ZNF726: variants seen among roughly 807,000 people sequenced by gnomAD.
ZNF726 encodes zinc finger protein 726, also known as zinc finger protein 92 pseudogene 3.
In ZNF726, 15 loss-of-function variants were observed where a neutral mutation model predicts 11.6. That is an observed-to-expected ratio of 1.29 (90% CI 0.86 to 1.99). The LOEUF (loss-of-function observed/expected upper bound fraction) is 1.99, where lower values mean the gene tolerates loss of function less well. ZNF726 is among the 30% of genes most tolerant of loss of function. ZNF726 has a pLI of 0.00. For synonymous variants in ZNF726, 295 were observed against 243.6 expected, an observed-to-expected ratio of 1.21 and a Z score of -1.96; for missense variants, 890 against 725.6, an observed-to-expected ratio of 1.23 and a Z score of -2.60.
chr19:23,933,144 G>T lies in ZNF726; in HGVS notation c.1028G>T (p.Cys343Phe). 2 of 1,600,694 alleles carry T rather than the reference G, an allele frequency of 1.2e-6. No homozygotes were observed. Among genetic ancestry groups the T allele is most frequent in the Non-Finnish European group, 1.7e-6 (2 of 1,173,446 alleles). The change falls in exon 4 of 4, where the codon TGT (cysteine) becomes TTT (phenylalanine). Residue 343 changes from cysteine (C) to phenylalanine (F), a missense_variant. Physicochemically the swap from Cys to Phe is radical, Grantham distance 205 (BLOSUM62 -2). Transcript: ENST00000594466. ...CACAGTGGAGAGAAACCCTACAAAT[G>T]TGAAGAATGTGCCAAAGCTTTTAGC... is the stretch of plus-strand genomic sequence containing the variant. The part of the protein sequence containing the change: ...RLHSGEKPYK[C>F]EECAKAFSQF...
chr19:23,915,111 C>T lies in ZNF726; in HGVS notation c.3+114C>T, dbSNP rs571242914. ...CGCTGTCAGTTTTACAATCTGCGCC[C>T]GAGTTGTTGCCCAGCTCGGCCTCAG... On this transcript the variant is annotated intron_variant, in intron 1 of 3. Coordinates refer to ENST00000594466, the MANE Select transcript of ZNF726 (RefSeq NM_001244038.2). 1.3e-5 allele frequency: 20 copies of T among 1,509,690 alleles called. No individual in the cohort carries two copies. In the Admixed American group the frequency reaches 2.1e-4, roughly 15 times the overall value. 93.5% of individuals were successfully genotyped at this position (1,509,690 alleles called of 1,614,324 possible). A position where few individuals can be genotyped will look rare whatever the true frequency, so the allele number is the denominator to read the frequency against.
At chr19:23,943,885 G>T in intron 4 of ZNF726, 1 of 212,178 alleles carries the variant, frequency 4.7e-6, no homozygotes, top group African/African-American at 2.3e-5. Flanking sequence ...TGCTTCGGGG[G>T]AATATAAAAA....
rs1218903774 is a variant in ZNF726, at chr19:23,933,781, T to C, written c.1665T>C (p.His555=). The change falls in exon 4 of 4, where the codon CAT becomes CAC. Residue 555 remains histidine, a synonymous_variant. Coordinates refer to ENST00000594466, the MANE Select transcript of ZNF726 (RefSeq NM_001244038.2). ...TFNQSSNLST[H]KIIHTGEKPY... ...ATCAATCCTCAAATCTTAGTACACA[T>C]AAGATAATTCATACTGGAGAGAAAC... The C allele has an allele frequency of 1.2e-6, 2 of 1,608,088 alleles. No individual in the cohort carries two copies. Among genetic ancestry groups the C allele is most frequent in the Non-Finnish European group, 1.7e-6 (2 of 1,178,374 alleles).
chr19:23,930,194 AT>A (rs1436656877), intron 3 of ZNF726, among the ~76,000 whole-genome samples: 1 of 152,182 alleles, frequency 6.6e-6, no homozygotes, highest in Non-Finnish European at 1.5e-5. Context: ...AGAGAAATAC[AT>A]TTAAATCAAA....
chr19:23,917,506 AATC>A (rs951161799), intron 1 of ZNF726, among the ~76,000 whole-genome samples: 5 of 148,056 alleles, frequency 3.4e-5, no homozygotes, highest in African/African-American at 1.3e-4. Context: ...AAAAAAAAAA[AATC>A]TCTGTTCAAT....
At chr19:23,938,907 T>C (rs1377643947), downstream of ZNF726, among the ~76,000 whole-genome samples, 1 of 152,132 alleles carries the variant, frequency 6.6e-6, no homozygotes, top group African/African-American at 2.4e-5. Flanking sequence ...GTGCCTGGCC[T>C]GTGTGTAATA....
At chr19:23,936,749 A>T (rs1050395923), downstream of ZNF726, among the ~76,000 whole-genome samples, 8 of 150,218 alleles carry the variant, frequency 5.3e-5, no homozygotes, top group African/African-American at 1.5e-4. Context: ...TTTTTATTTT[A>T]ATTTATTTTT....
At chr19:23,919,962 A>G in intron 2 of ZNF726, 25 bp from the exon 3 acceptor site, 1 of 1,500,342 alleles carries the variant, frequency 6.7e-7, no homozygotes, top group Non-Finnish European at 9.1e-7. Flanking sequence ...AGCAAGATTC[A>G]TGTTAATTAT....
At chr19:23,936,734 TTTTATTTTTATTTTAA>T (rs2144997504), downstream of ZNF726, among the ~76,000 whole-genome samples, 1 of 151,670 alleles carries the variant, frequency 6.6e-6, no homozygotes, top group East Asian at 1.9e-4. Flanking sequence ...GCAGTTTGAT[TTTTATTTTTATTTTAA>T]TTTATTTTTT....
At chr19:23,938,623 T>C (rs76937046), downstream of ZNF726, among the ~76,000 whole-genome samples, 7 of 150,752 alleles carry the variant, frequency 4.6e-5, no homozygotes, top group Non-Finnish European at 1.5e-5. Flanking sequence ...TTTTTTTTTT[T>C]TTGAGCTGGA....
rs1473173272 is a variant in ZNF726 at position 23,932,814 on chromosome 19, A to T, written c.698A>T (p.Glu233Val). 5 of 1,609,516 alleles carry T rather than the reference A, an allele frequency of 3.1e-6. No individual in the cohort carries two copies. In the East Asian group the frequency reaches 1.1e-4, roughly 36 times the overall value. ...HTEEKPYKCE[E>V]YGKAFNQSSN... ...GAAGAAAAGCCCTACAAATGTGAAG[A>T]ATATGGCAAAGCTTTTAATCAATCC... Residue 233 changes from glutamate (E) to valine (V), a missense_variant, in exon 4 of 4, where the codon GAA becomes GTA. Transcript: ENST00000594466.
rs1020276541 is a variant in ZNF726 at position 23,925,923 on chromosome 19, G to A, written c.226+5841G>A. On this transcript the variant is annotated intron_variant, in intron 3 of 3. Transcript: ENST00000594466. ...GTAGAGACAGAGTTTCACCATGTTG[G>A]TCAGGATGGTCTGGAACACCTGTCC... Among the ~76,000 whole-genome samples the A allele has an allele frequency of 9.9e-5, 15 of 151,724 alleles. No individual in the cohort carries two copies. The South Asian group carries it at 2.3e-3, about 23-fold the overall frequency.
chr19:23,937,389 G>A (rs1408038743), downstream of ZNF726, among the ~76,000 whole-genome samples: 39 of 152,004 alleles, frequency 2.6e-4, no homozygotes, highest in African/African-American at 7.7e-4. Flanking sequence ...CTTCTCAGAC[G>A]GGGTGGCTGC....
chr19:23,941,716 A>G (rs1193197264), intron 3 of ZNF726, among the ~76,000 whole-genome samples: 1 of 152,052 alleles, frequency 6.6e-6, no homozygotes, highest in Non-Finnish European at 1.5e-5. Flanking sequence ...GTATTTTTCC[A>G]GGAATTTATC....
downstream of ZNF726, among the ~76,000 whole-genome samples, chr19:23,938,590 T>C (rs1377084283): frequency 2.0e-5 from 3 of 149,322 alleles, no homozygotes; most frequent in Admixed American, 6.7e-5. Context: ...CGTTTAATAG[T>C]TTTTTTTTCT....
chr19:23,935,164 G>T (rs543718940), downstream of ZNF726: 270 of 394,464 alleles, frequency 6.8e-4, 5 homozygotes, highest in South Asian at 3.3e-3. Flanking sequence ...ATCCCCACAT[G>T]TTGTGGGGAG....
intron 3 of ZNF726, chr19:23,929,431 TCA>T (rs1968057532): frequency 1.2e-5 from 2 of 169,030 alleles, no homozygotes; most frequent in Non-Finnish European, 2.4e-5. Context: ...AAGGCATGTC[TCA>T]CATGGTGGCA....
At chr19:23,924,042 G>T in intron 3 of ZNF726, 1 of 142,902 alleles carries the variant, frequency 7.0e-6, no homozygotes, top group Non-Finnish European at 1.5e-5. Flanking sequence ...TTCTTTCTTA[G>T]CTCTTTTTTT....
chr19:23,942,338 T>G (rs1402666904), intron 3 of ZNF726, among the ~76,000 whole-genome samples: 1 of 152,200 alleles, frequency 6.6e-6, no homozygotes, highest in Non-Finnish European at 1.5e-5. Context: ...TGATGTAATT[T>G]CAATTTTCTT....
Sources: allele counts gnomAD v4.1 joint callset (sites outside exome capture counted in the v4.1 genomes callset), GRCh38; gene constraint gnomAD v4.1.1; transcripts MANE v1.5; gene names NCBI Gene and HGNC (gene_info 2026-07-23, HGNC 2026-07-21).